Variants in CDH18 observed in about 807,000 individuals in gnomAD.
CDH18 encodes the protein cadherin 18.
Under a neutral mutation model 67.9 loss-of-function variants are expected in CDH18, and 31 were observed. The observed-to-expected ratio is 0.46, with a 90% CI of 0.34 to 0.62. The LOEUF (loss-of-function observed/expected upper bound fraction) is 0.62, where lower values mean the gene tolerates loss of function less well. CDH18 is among the 20% of genes least tolerant of loss of function. CDH18 has a pLI of 0.01. For synonymous variants in CDH18, 362 were observed against 347.2 expected (o/e 1.04, Z -0.48); for missense variants, 890 against 975.5 (o/e 0.91, Z 1.17).
intron 2 of CDH18, among the ~76,000 whole-genome samples, chr5:20,013,568 TTGAC>T (rs1046021122): frequency 3.3e-5 from 5 of 152,096 alleles, no homozygotes; most frequent in Non-Finnish European, 5.9e-5. Context: ...TATATTTATA[TTGAC>T]TGACTAATGT....
At chr5:19,562,215 A>T (rs1256956245) in intron 8 of CDH18, among the ~76,000 whole-genome samples, 1 of 152,322 alleles carries the variant, frequency 6.6e-6, no homozygotes, top group Non-Finnish European at 1.5e-5. Context: ...ACATGAACAC[A>T]GTTTAAAACA....
intron 2 of CDH18, among the ~76,000 whole-genome samples, chr5:19,956,606 C>T (rs571402946): frequency 5.3e-5 from 8 of 151,700 alleles, no homozygotes; most frequent in Admixed American, 5.3e-4. Flanking sequence ...CCATTTCTTA[C>T]CAAATTATCC....
At chr5:19,506,032 C>T (rs1744094158) in intron 10 of CDH18, among the ~76,000 whole-genome samples, 1 of 152,062 alleles carries the variant, frequency 6.6e-6, no homozygotes, top group Admixed American at 6.6e-5. Flanking sequence ...CAACTTCTTC[C>T]TGGTTTAGTC....
At chr5:20,281,366 T>A (rs1217179247) in intron 1 of CDH18, among the ~76,000 whole-genome samples, 2 of 152,192 alleles carry the variant, frequency 1.3e-5, no homozygotes, top group Admixed American at 6.5e-5. Context: ...CTTTAATCCA[T>A]CTTGAATTAA....
At chr5:20,417,233 T>A (rs1369298889) in intron 1 of CDH18, among the ~76,000 whole-genome samples, 1 of 152,174 alleles carries the variant, frequency 6.6e-6, no homozygotes, top group African/African-American at 2.4e-5. Context: ...AGCTGTTCTG[T>A]TGCCCGAAAG....
chr5:20,378,737 C>T (rs1254515797), intron 1 of CDH18, among the ~76,000 whole-genome samples: 4 of 151,936 alleles, frequency 2.6e-5, no homozygotes, highest in Non-Finnish European at 5.9e-5. Flanking sequence ...GGAAATCCTG[C>T]GACAATCATG....
At chr5:20,038,443 T>A (rs546711483) in intron 2 of CDH18, among the ~76,000 whole-genome samples, 1 of 152,262 alleles carries the variant, frequency 6.6e-6, no homozygotes, top group South Asian at 2.1e-4. Context: ...GCAAAAATCC[T>A]CAATAAAATA....
Position 19,838,811 on chromosome 5 carries a change from T to C in CDH18, c.176A>G (p.Gln59Arg). The change falls in exon 3 of 13, where the codon CAG becomes CGG. Residue 59 changes from glutamine to arginine, a missense_variant. By Grantham distance (43) the Gln-to-Arg change is conservative. Around this residue, in one of 2 missense-constraint regions of CDH18, gnomAD observed 234 missense variants for 307.4 expected, o/e 0.76. Coordinates refer to ENST00000382275, the MANE Select transcript of CDH18 (RefSeq NM_004934.5). ...CATATGTTCTTCTAAAACAAAGAAC[T>C]GATTCCATACCCATCCCCTTTTGGG... is the stretch of plus-strand genomic sequence containing the variant. ...HRPKRGWVWN[Q>R]FFVLEEHMGP... is the part of the protein sequence containing the mutation. 6.2e-7 allele frequency: 1 copy of C among 1,614,024 alleles called. No individual in the cohort carries two copies. The highest frequency in any genetic ancestry group is 8.5e-7 in the Non-Finnish European group (1 of 1,179,924).
chr5:20,334,100 G>GTATTTTAAA (rs1302498417), intron 1 of CDH18, among the ~76,000 whole-genome samples: 1 of 144,154 alleles, frequency 6.9e-6, no homozygotes, highest in Non-Finnish European at 1.5e-5. Flanking sequence ...AGTCATTACT[G>GTATTTTAAA]TATTTTAAAT....
intron 1 of CDH18, among the ~76,000 whole-genome samples, chr5:20,357,257 C>G (rs1225632634): frequency 6.6e-6 from 1 of 151,920 alleles, no homozygotes; most frequent in Non-Finnish European, 1.5e-5. Flanking sequence ...ACAGAATATC[C>G]TCTCCTTAAA....
chr5:19,732,994 C>T (rs1767821619), intron 4 of CDH18, among the ~76,000 whole-genome samples: 1 of 152,086 alleles, frequency 6.6e-6, no homozygotes, highest in Non-Finnish European at 1.5e-5. Flanking sequence ...GTTCCGTTTT[C>T]CCAAAACAGC....
chr5:19,489,402 C>G (rs908977620), intron 11 of CDH18, among the ~76,000 whole-genome samples: 1 of 151,896 alleles, frequency 6.6e-6, no homozygotes, highest in Non-Finnish European at 1.5e-5. Context: ...CGCCCGCCAC[C>G]ACACCTGGCT....
rs145020764 is a variant in CDH18, at chr5:20,325,117, G to T, written c.-579-69612C>A. ...GCTTTTAAGGTTTGTAAAGTTTCTA[G>T]TTCCCCGTTGGCAATGATCAGACAT... On this transcript the variant is annotated intron_variant, in intron 1 of 14. Coordinates refer to the CDH18 transcript ENST00000507958. Among the ~76,000 whole-genome samples the T allele has an allele frequency of 4.6e-3, 696 of 152,280 alleles. 1 individual carries two copies. Among genetic ancestry groups the T allele is most frequent in the Middle Eastern group, 0.024 (7 of 292 alleles).
chr5:20,057,860 C>A (rs1382615256), intron 2 of CDH18, among the ~76,000 whole-genome samples: 1 of 152,018 alleles, frequency 6.6e-6, no homozygotes, highest in African/African-American at 2.4e-5. Context: ...TGTGCTGAAA[C>A]CACATTTACT....
chr5:20,545,719 G>T (rs1298177757), intron 1 of CDH18, among the ~76,000 whole-genome samples: 1 of 152,188 alleles, frequency 6.6e-6, no homozygotes, highest in Non-Finnish European at 1.5e-5. Context: ...ACTGTGATGA[G>T]AGGGGCTACT....
intron 1 of CDH18, among the ~76,000 whole-genome samples, chr5:20,502,105 T>C (rs1025098150): frequency 6.6e-6 from 1 of 152,118 alleles, no homozygotes; most frequent in African/African-American, 2.4e-5. Flanking sequence ...TTCCAAATAT[T>C]ACTAAATCTA....
intron 4 of CDH18, among the ~76,000 whole-genome samples, chr5:19,725,340 T>G (rs1766694390): frequency 6.6e-6 from 1 of 152,234 alleles, no homozygotes; most frequent in Non-Finnish European, 1.5e-5. Context: ...AAGTTGGTTT[T>G]GAAGACATTT....
At chr5:20,234,315 A>C (rs979973974) in intron 2 of CDH18, among the ~76,000 whole-genome samples, 2 of 152,106 alleles carry the variant, frequency 1.3e-5, no homozygotes, top group African/African-American at 4.8e-5. Context: ...ATTCCTACTC[A>C]TCATAGTCTA....
chr5:19,628,149 C>T (rs1751834843), intron 5 of CDH18, among the ~76,000 whole-genome samples: 1 of 152,078 alleles, frequency 6.6e-6, no homozygotes, highest in South Asian at 2.1e-4. Flanking sequence ...CTAAGTCTCA[C>T]GAGATCTGAT....
Sources: gnomAD v4.1 joint callset for allele counts (sites outside exome capture counted in the v4.1 genomes callset) on GRCh38, gnomAD v4.1.1 for gene constraint, gnomAD v4.1.1 regional missense constraint, MANE v1.5 for transcripts, NCBI Gene and HGNC (gene_info 2026-07-23, HGNC 2026-07-21) for gene names.